Variants in TTC27 observed in about 807,000 individuals in gnomAD.
TTC27 encodes tetratricopeptide repeat protein 27.
Under a neutral mutation model 115.9 loss-of-function variants are expected in TTC27, and 79 were observed. That is an observed-to-expected ratio of 0.68 (90% CI 0.57 to 0.82). The LOEUF (loss-of-function observed/expected upper bound fraction) is 0.82, where lower values mean the gene tolerates loss of function less well. TTC27 is among the 40% of genes least tolerant of loss of function. TTC27 has a pLI of 0.00. For synonymous variants in TTC27, 401 were observed against 356.0 expected, an observed-to-expected ratio of 1.13 and a Z score of -1.42; for missense variants, 1,054 against 993.1, an observed-to-expected ratio of 1.06 and a Z score of -0.82.
At chr2:32,789,987 G>T (rs1341726903) in intron 16 of TTC27, among the ~76,000 whole-genome samples, 1 of 138,364 alleles carries the variant, frequency 7.2e-6, no homozygotes, top group Non-Finnish European at 1.6e-5. Context: ...AGAATAAAAG[G>T]ACCCAAAATG....
intron 4 of TTC27, among the ~76,000 whole-genome samples, chr2:32,648,644 A>G (rs1664962534): frequency 6.6e-6 from 1 of 151,968 alleles, no homozygotes; most frequent in African/African-American, 2.4e-5. Flanking sequence ...TGATCAAGTA[A>G]GAAAAAGCAT....
chr2:32,646,568 T>TA, intron 4 of TTC27, among the ~76,000 whole-genome samples: 1 of 148,496 alleles, frequency 6.7e-6, no homozygotes, highest in South Asian at 2.2e-4. Context: ...TTTTTTTTTT[T>TA]TTTTTTTTGG....
intron 9 of TTC27, among the ~76,000 whole-genome samples, chr2:32,684,834 A>G (rs1038162782): frequency 2.0e-5 from 3 of 151,772 alleles, no homozygotes; most frequent in East Asian, 3.9e-4. Flanking sequence ...GTGAGACTTA[A>G]GCAAAATAAA....
intron 12 of TTC27, among the ~76,000 whole-genome samples, chr2:32,751,258 C>CCACACA (rs56183534): frequency 0.039 from 5,472 of 140,754 alleles, 146 homozygotes; most frequent in African/African-American, 0.076. Flanking sequence ...GTAGGTTAAA[C>CCACACA]CACACACACA....
At chr2:32,786,614 C>T (rs1670357102) in intron 15 of TTC27, among the ~76,000 whole-genome samples, 1 of 152,172 alleles carries the variant, frequency 6.6e-6, no homozygotes, top group Non-Finnish European at 1.5e-5. Context: ...CTACTGTCTG[C>T]ACCTTTTGTC....
At chr2:32,726,278 G>A (rs1440927058) in intron 10 of TTC27, among the ~76,000 whole-genome samples, 7 of 152,186 alleles carry the variant, frequency 4.6e-5, no homozygotes, top group African/African-American at 1.7e-4. Context: ...CGCATTGGCA[G>A]GCTGCAAATT....
intron 4 of TTC27, among the ~76,000 whole-genome samples, chr2:32,648,779 G>A (rs1664968198): frequency 6.6e-6 from 1 of 152,104 alleles, no homozygotes; most frequent in Admixed American, 6.6e-5. Context: ...GGGAGGCCAA[G>A]GTGGGTGGAT....
intron 13 of TTC27, among the ~76,000 whole-genome samples, chr2:32,758,913 A>G (rs191716859): frequency 3.3e-5 from 5 of 152,360 alleles, no homozygotes; most frequent in Admixed American, 3.3e-4. Context: ...AAACCTTTAT[A>G]TAAATAGGAT....
intron 12 of TTC27, among the ~76,000 whole-genome samples, chr2:32,749,350 C>T (rs1209042634): frequency 6.6e-6 from 1 of 152,194 alleles, no homozygotes; most frequent in East Asian, 1.9e-4. Context: ...CAAACCCATT[C>T]TGCCCCCTCC....
At chr2:32,726,285 A>G (rs925451229) in intron 10 of TTC27, among the ~76,000 whole-genome samples, 1 of 152,166 alleles carries the variant, frequency 6.6e-6, no homozygotes, top group Non-Finnish European at 1.5e-5. Context: ...GCAGGCTGCA[A>G]ATTTTCCGAA....
intron 13 of TTC27, among the ~76,000 whole-genome samples, chr2:32,774,341 T>G (rs1669927984): frequency 6.6e-6 from 1 of 152,000 alleles, no homozygotes; most frequent in Non-Finnish European, 1.5e-5. Flanking sequence ...CCTGCTCATT[T>G]CTTTTGTATC....
At chr2:32,680,651 T>TCAGG (rs1666385745) in intron 9 of TTC27, among the ~76,000 whole-genome samples, 1 of 151,892 alleles carries the variant, frequency 6.6e-6, no homozygotes, top group African/African-American at 2.4e-5. Context: ...TGGGGACAAG[T>TCAGG]GTCTAGGTGA....
At chr2:32,766,375 A>T (rs995034793) in intron 13 of TTC27, 4 of 224,210 alleles carry the variant, frequency 1.8e-5, no homozygotes, top group African/African-American at 9.1e-5. Context: ...CTTTTGATTT[A>T]AAGTAGGGTA....
chr2:32,769,226 C>T (rs1468151438), intron 13 of TTC27, among the ~76,000 whole-genome samples: 2 of 152,132 alleles, frequency 1.3e-5, no homozygotes, highest in African/African-American at 4.8e-5. Context: ...GAGTCTTGGT[C>T]AGAGGGATAG....
intron 3 of TTC27, among the ~76,000 whole-genome samples, chr2:32,639,864 T>C (rs1448435778): frequency 6.6e-6 from 1 of 152,024 alleles, no homozygotes; most frequent in Non-Finnish European, 1.5e-5. Context: ...CTTAGCTGGA[T>C]GTGGTGGTGC....
At chr2:32,744,537 C>G (rs949659256) in intron 12 of TTC27, among the ~76,000 whole-genome samples, 1 of 152,196 alleles carries the variant, frequency 6.6e-6, no homozygotes. Context: ...TCCCCTCTTC[C>G]TAGAGGTAGG....
At chr2:32,755,413 TCCA>T in intron 12 of TTC27, among the ~76,000 whole-genome samples, 1 of 152,262 alleles carries the variant, frequency 6.6e-6, no homozygotes, top group East Asian at 1.9e-4. Context: ...AAACCCCGTC[TCCA>T]CCAAAAAAAT....
chr2:32,698,176 C>T (rs1302178009), intron 9 of TTC27, among the ~76,000 whole-genome samples: 5 of 152,134 alleles, frequency 3.3e-5, no homozygotes, highest in Non-Finnish European at 7.4e-5. Context: ...CTGTTCAGCC[C>T]AGACTGGAGT....
At chr2:32,755,434 C>G (rs1669197024) in intron 12 of TTC27, among the ~76,000 whole-genome samples, 1 of 152,230 alleles carries the variant, frequency 6.6e-6, no homozygotes, top group Non-Finnish European at 1.5e-5. Context: ...AATACGAAAA[C>G]CAGACAGGCG....
Sources: allele counts gnomAD v4.1 joint callset (sites outside exome capture counted in the v4.1 genomes callset), GRCh38; gene constraint gnomAD v4.1.1; transcripts MANE v1.5; gene names NCBI Gene and HGNC (gene_info 2026-07-23, HGNC 2026-07-21).